The following TMEM260 variants were observed in gnomAD, a reference collection of about 807,000 sequenced individuals.
TMEM260 encodes protein O-mannosyl-transferase TMEM260.
In TMEM260, 82 loss-of-function variants were observed where a neutral mutation model predicts 88.9. The ratio of observed to expected loss-of-function variants is 0.92; its 90% CI spans 0.77 to 1.11. The LOEUF is 1.11. Ranked by LOEUF, TMEM260 falls within the 50% of genes least tolerant of loss-of-function variation. The pLI is 0.00. For synonymous variants in TMEM260, 314 were observed against 309.3 expected, an observed-to-expected ratio of 1.02 and a Z score of -0.16; for missense variants, 902 against 853.4, an observed-to-expected ratio of 1.06 and a Z score of -0.71.
At chr14:56,600,761 G>A (rs868345647) in intron 3 of TMEM260, among the ~76,000 whole-genome samples, 15 of 152,182 alleles carry the variant, frequency 9.9e-5, no homozygotes, top group African/African-American at 3.6e-4. Context: ...CTACGCTTTT[G>A]TGTGCAGTAC....
chr14:56,637,948 AG>A lies in TMEM260; in HGVS notation c.1869+1353del, dbSNP rs368108213. Among the ~76,000 whole-genome samples the A allele has an allele frequency of 3.7e-3, 562 of 152,170 alleles. 7 individuals are homozygous for A. Among genetic ancestry groups the A allele is most frequent in the African/African-American group, 0.013 (538 of 41,466 alleles). On this transcript the variant is annotated intron_variant, in intron 15 of 15. Transcript: ENST00000261556. Reference sequence around the variant, plus strand: ...TTGTGAGTGCTGTGAGAGGCACACAAGGGTGCTACAGAAACCCAGAGCCCTG... The same window carrying A: ...TTGTGAGTGCTGTGAGAGGCACACAAGGTGCTACAGAAACCCAGAGCCCTG...
At chr14:56,649,710 ACTGT>A (rs71900805), downstream of TMEM260, among the ~76,000 whole-genome samples, 24,101 of 151,934 alleles carry the variant, frequency 0.16, 2,976 homozygotes, top group African/African-American at 0.33. Context: ...TCTTTTTGAG[ACTGT>A]CTGCTTGTAA....
chr14:56,609,425 C>G, intron 6 of TMEM260, 140 bp downstream of exon 6: 2 of 760,608 alleles, frequency 2.6e-6, no homozygotes, highest in South Asian at 1.9e-5. Flanking sequence ...ACAAACTTGC[C>G]CCTTGGAATA....
At chr14:56,599,442 A>G (rs1886434459) in intron 3 of TMEM260, among the ~76,000 whole-genome samples, 2 of 152,148 alleles carry the variant, frequency 1.3e-5, no homozygotes, top group African/African-American at 4.8e-5. Flanking sequence ...ATTAATTGCT[A>G]CCTACAAAGC....
chr14:56,642,265 A>T (rs569063987), intron 15 of TMEM260, among the ~76,000 whole-genome samples: 1 of 152,072 alleles, frequency 6.6e-6, no homozygotes, highest in Non-Finnish European at 1.5e-5. Context: ...GAAGTAAAGC[A>T]CTCCTCAGCA....
At chr14:56,645,641 A>G (rs1235859182) in intron 15 of TMEM260, among the ~76,000 whole-genome samples, 1 of 152,208 alleles carries the variant, frequency 6.6e-6, no homozygotes, top group Admixed American at 6.5e-5. Context: ...CTTAAAGTAT[A>G]ATAAAATTTT....
intron 5 of TMEM260, among the ~76,000 whole-genome samples, chr14:56,606,667 G>A (rs1295959291): frequency 2.0e-5 from 3 of 152,138 alleles, no homozygotes; most frequent in Admixed American, 6.5e-5. Flanking sequence ...CAAGGCAGGC[G>A]GATTGCCTGA....
intron 12 of TMEM260, 35 bp from the exon 13 acceptor site, chr14:56,632,960 T>G (rs1163488580): frequency 1.3e-6 from 2 of 1,566,286 alleles, no homozygotes; most frequent in Non-Finnish European, 1.7e-6. Flanking sequence ...AACTTTAAAT[T>G]TTAAGTACAT....
intron 5 of TMEM260, among the ~76,000 whole-genome samples, chr14:56,607,271 G>T (rs1169657185): frequency 6.6e-6 from 1 of 152,150 alleles, no homozygotes; most frequent in Admixed American, 6.5e-5. Context: ...TCAGAGGGGT[G>T]CATTCTTAGC....
At chr14:56,659,159 T>C in the TMEM260 span, among the ~76,000 whole-genome samples, 4 of 152,172 alleles carry the variant, frequency 2.6e-5, no homozygotes, top group African/African-American at 9.7e-5. Flanking sequence ...GTGAGTGAAG[T>C]TGGATGAAGG....
rs765621064 is a variant in TMEM260 at position 56,634,875 on chromosome 14, ATTAC to A, written c.1725-22_1725-19del. The A allele has an allele frequency of 3.1e-6, 5 of 1,597,848 alleles. No homozygotes were observed. In the Admixed American group the frequency reaches 8.6e-5, roughly 27 times the overall value. On this transcript the variant is annotated intron_variant, in intron 13 of 15. Transcript: ENST00000261556. ...AAAAAAAAGTGGGTGACAGAAAGAT[ATTAC>A]TGTTTTCTTGTAACTACAGGTTTGA...
At chr14:56,580,428 AAAG>A (rs1343414435) in intron 1 of TMEM260, among the ~76,000 whole-genome samples, 1 of 152,248 alleles carries the variant, frequency 6.6e-6, no homozygotes, top group African/African-American at 2.4e-5. Flanking sequence ...GTTTCAAACA[AAAG>A]AACAGTAGTG....
chr14:56,618,581 G>GTC lies in TMEM260; in HGVS notation c.1057-9_1057-8dup, dbSNP rs1405256839. The GTC allele has an allele frequency of 6.2e-7, 1 of 1,612,606 alleles. No homozygotes were observed. The highest frequency in any genetic ancestry group is 1.7e-5 in the Admixed American group (1 of 59,696). ...AGTCAACTGGACCCACTGGTTGCAT[G>GTC]TCTCTTTCACAGGTGGAACGATTCT... On this transcript the variant is annotated splice_polypyrimidine_tract_variant and intron_variant, in intron 9 of 15. Transcript: ENST00000261556.
intron 12 of TMEM260, among the ~76,000 whole-genome samples, chr14:56,628,892 ATTTCTTTTTTTTT>A (rs1185908573): frequency 2.9e-5 from 4 of 136,208 alleles, no homozygotes; most frequent in Non-Finnish European, 6.4e-5. Flanking sequence ...GACTTTTTGT[ATTTCTTTTTTTTT>A]TTTCTTTTGA....
At chr14:56,594,926 G>C (rs1046602348) in intron 3 of TMEM260, among the ~76,000 whole-genome samples, 1 of 152,138 alleles carries the variant, frequency 6.6e-6, no homozygotes, top group Non-Finnish European at 1.5e-5. Context: ...TTTTTATAGA[G>C]TATGTCTCCT....
chr14:56,600,274 CTGTTT>C, intron 3 of TMEM260, among the ~76,000 whole-genome samples: 1 of 152,234 alleles, frequency 6.6e-6, no homozygotes, highest in East Asian at 1.9e-4. Flanking sequence ...GTCCTCTCTT[CTGTTT>C]TGCGCAAGAC....
intron 14 of TMEM260, 149 bp from the exon 15 acceptor site, chr14:56,636,359 C>A: frequency 1.5e-6 from 1 of 652,902 alleles, no homozygotes; most frequent in Non-Finnish European, 2.7e-6. Context: ...TGGTTCAGAG[C>A]AAATGTCCAT....
intron 3 of TMEM260, among the ~76,000 whole-genome samples, chr14:56,599,998 A>T (rs1033403085): frequency 1.3e-5 from 2 of 152,202 alleles, no homozygotes; most frequent in Admixed American, 6.5e-5. Context: ...TACAGTAGAC[A>T]ATTTGGTCAA....
chr14:56,586,279 C>T (rs1594808495), intron 3 of TMEM260, among the ~76,000 whole-genome samples: 1 of 152,126 alleles, frequency 6.6e-6, no homozygotes, highest in African/African-American at 2.4e-5. Context: ...TGACGAGCAG[C>T]TGCCTATCAG....
Sources: allele counts gnomAD v4.1 joint callset (sites outside exome capture counted in the v4.1 genomes callset), GRCh38; gene constraint gnomAD v4.1.1; transcripts MANE v1.5; gene names NCBI Gene and HGNC (gene_info 2026-07-23, HGNC 2026-07-21).